The following CD244 variants were observed in gnomAD, a reference collection of about 807,000 sequenced individuals.
CD244 encodes the protein CD244 molecule.
Under a neutral mutation model 45.5 loss-of-function variants are expected in CD244, and 20 were observed. That is an observed-to-expected ratio of 0.44 (90% CI 0.31 to 0.64). CD244 has a LOEUF of 0.64. CD244 is among the 30% of genes least tolerant of loss of function. CD244 has a pLI of 0.08. For missense variants in CD244, 407 were observed against 426.9 expected (o/e 0.95, Z 0.41); for synonymous variants, 185 against 160.5 (o/e 1.15, Z -1.15).
intron 5 of CD244, among the ~76,000 whole-genome samples, chr1:160,836,472 A>T (rs1217623836): frequency 1.3e-5 from 2 of 152,188 alleles, no homozygotes; most frequent in African/African-American, 4.8e-5. Context: ...GGAACCACCT[A>T]GGTGTGAGGG....
intron 1 of CD244, among the ~76,000 whole-genome samples, chr1:160,851,834 C>T (rs1669930293): frequency 6.6e-6 from 1 of 152,112 alleles, no homozygotes; most frequent in Non-Finnish European, 1.5e-5. Context: ...TGAGCCACTG[C>T]ACCCAGACAA....
intron 5 of CD244, 60 bp from the exon 6 acceptor site, chr1:160,836,314 T>C (rs192026584): frequency 1.4e-4 from 186 of 1,340,256 alleles, no homozygotes; most frequent in Admixed American, 4.7e-4. Flanking sequence ...CAGATTTAGA[T>C]TGAGTGGGGA....
At position 160,830,814 on chromosome 1, in the gene CD244, C is replaced by T. The variant is rs74124288; in HGVS notation, c.*533G>A. 2,899 of 154,080 alleles carry T rather than the reference C, an allele frequency of 0.019. 99 individuals are homozygous for T. Among genetic ancestry groups the T allele is most frequent in the African/African-American group, 0.065 (2,706 of 41,570 alleles). The allele number at this position is 154,080 out of a possible 1,614,324, so 9.5% of individuals were successfully genotyped here. ...TTTTTCTCTGCAATTGAGTAAAGCC[C>T]AGGCCCTGGCCCCCACCCACGTGCA... On this transcript the variant is annotated 3_prime_UTR_variant, in exon 9 of 9. Transcript: ENST00000368034.
intron 1 of CD244, among the ~76,000 whole-genome samples, chr1:160,861,997 C>A (rs1219866612): frequency 1.3e-5 from 2 of 152,218 alleles, no homozygotes; most frequent in Non-Finnish European, 2.9e-5. Context: ...TTAGATGGCT[C>A]CATGCCTGGC....
At chr1:160,848,288 G>T (rs1052317826) in intron 1 of CD244, 23 of 582,868 alleles carry the variant, frequency 3.9e-5, no homozygotes, top group Non-Finnish European at 7.0e-5. Context: ...GAAGCATACA[G>T]GTCTTGGCAT....
chr1:160,841,575 GA>G lies in CD244; in HGVS notation c.379+8del. The G allele has an allele frequency of 6.2e-7, 1 of 1,613,708 alleles. No individual in the cohort carries two copies. ...AGAGAGGGCAGTATGAACAGTCCTGGAGACTTACCAAATACAAAAACCTGGA... is the reference window on the plus strand; with the variant it reads ...AGAGAGGGCAGTATGAACAGTCCTGGGACTTACCAAATACAAAAACCTGGA... On this transcript the variant is annotated splice_region_variant and intron_variant, in intron 2 of 8. Transcript: ENST00000368034.
intron 1 of CD244, among the ~76,000 whole-genome samples, chr1:160,860,760 C>T (rs754806460): frequency 6.6e-5 from 10 of 152,156 alleles, no homozygotes; most frequent in African/African-American, 1.9e-4. Flanking sequence ...ATTCAAGAAT[C>T]GTTTGAACTA....
intron 1 of CD244, among the ~76,000 whole-genome samples, chr1:160,859,405 T>C (rs1670216333): frequency 1.3e-5 from 2 of 152,216 alleles, no homozygotes; most frequent in African/African-American, 2.4e-5. Flanking sequence ...TCAAGAGTTA[T>C]ATGCACATCT....
intron 4 of CD244, 36 bp downstream of exon 4, chr1:160,838,903 C>T: frequency 3.5e-6 from 5 of 1,418,336 alleles, no homozygotes; most frequent in Non-Finnish European, 4.9e-6. Context: ...TCCAAGGCCT[C>T]AGGCAGGAGC....
chr1:160,836,534 A>G (rs1232946917), intron 5 of CD244, among the ~76,000 whole-genome samples: 3 of 152,174 alleles, frequency 2.0e-5, no homozygotes, highest in Non-Finnish European at 4.4e-5. Context: ...TCCTTTAGTA[A>G]CTTAGAAACC....
At chr1:160,848,210 A>G in intron 1 of CD244, 1 of 539,960 alleles carries the variant, frequency 1.9e-6, no homozygotes. Flanking sequence ...TGTTGACATC[A>G]CACACCATAA....
intron 1 of CD244, among the ~76,000 whole-genome samples, chr1:160,855,989 C>T (rs1670093306): frequency 6.6e-6 from 1 of 152,182 alleles, no homozygotes; most frequent in Admixed American, 6.5e-5. Context: ...GGGGCCTGAG[C>T]ACCTGGGAGA....
intron 1 of CD244, among the ~76,000 whole-genome samples, chr1:160,855,938 C>T (rs1005214802): frequency 4.6e-5 from 7 of 152,194 alleles, no homozygotes; most frequent in Non-Finnish European, 1.0e-4. Flanking sequence ...TGAGTCAGCT[C>T]AGCTTCCTCC....
Position 160,838,921 on chromosome 1 carries a change from T to G in CD244, c.766+18A>C, listed in dbSNP as rs1406590624. On this transcript the variant is annotated intron_variant, in intron 4 of 8. Transcript: ENST00000368034. The stretch of plus-strand genomic sequence containing the variant: ...AAGGCCTCAGGCAGGAGCACCACCC[T>G]AAGGACCTTCCACTCACCTGACTGC... 6.4e-7 allele frequency: 1 copy of G among 1,570,846 alleles called. No individual in the cohort carries two copies. Among genetic ancestry groups the G allele is most frequent in the Non-Finnish European group, 8.7e-7 (1 of 1,143,002 alleles).
At chr1:160,848,177 AT>A in intron 1 of CD244, 1 of 511,556 alleles carries the variant, frequency 2.0e-6, no homozygotes. Flanking sequence ...TCACAGGATT[AT>A]TGCAGAATTT....
chr1:160,837,894 G>A (rs868111474), intron 5 of CD244, among the ~76,000 whole-genome samples: 9 of 152,206 alleles, frequency 5.9e-5, no homozygotes, highest in African/African-American at 1.2e-4. Context: ...TGCCTGCTGC[G>A]AAGAGCAGGC....
chr1:160,834,614 G>A (rs1399641308), intron 6 of CD244, among the ~76,000 whole-genome samples: 2 of 152,194 alleles, frequency 1.3e-5, no homozygotes, highest in African/African-American at 2.4e-5. Flanking sequence ...GCCTCCCAAA[G>A]TGTTGGGATT....
At chr1:160,836,987 A>G (rs1669356939) in intron 5 of CD244, among the ~76,000 whole-genome samples, 1 of 152,192 alleles carries the variant, frequency 6.6e-6, no homozygotes, top group African/African-American at 2.4e-5. Context: ...GCATCTGACA[A>G]TGTCAATAAC....
At chr1:160,833,309 T>G (rs1432290894) in intron 7 of CD244, among the ~76,000 whole-genome samples, 1 of 152,174 alleles carries the variant, frequency 6.6e-6, no homozygotes, top group Non-Finnish European at 1.5e-5. Flanking sequence ...CCTAAACCCC[T>G]TCAAACCTGT....
Sources: gnomAD v4.1 joint callset for allele counts (sites outside exome capture counted in the v4.1 genomes callset) on GRCh38, gnomAD v4.1.1 for gene constraint, MANE v1.5 for transcripts, NCBI Gene and HGNC (gene_info 2026-07-23, HGNC 2026-07-21) for gene names.